The following FRA10AC1 variants were observed in gnomAD, a reference collection of about 807,000 sequenced individuals.
FRA10AC1 encodes protein FRA10AC1.
FRA10AC1 carries 43 observed loss-of-function variants against 56.5 expected under a neutral mutation model. That is an observed-to-expected ratio of 0.76 (90% CI 0.60 to 0.98). The LOEUF is 0.98. Ranked by LOEUF, FRA10AC1 falls within the 50% of genes least tolerant of loss-of-function variation. FRA10AC1 has a pLI of 0.00. For missense variants in FRA10AC1, 346 were observed against 351.8 expected (o/e 0.98, Z 0.13); for synonymous variants, 112 against 110.5 (o/e 1.01, Z -0.09).
chr10:93,700,219 G>T, intron 1 of FRA10AC1, 113 bp from the exon 2 acceptor site: 1 of 630,196 alleles, frequency 1.6e-6, no homozygotes, highest in Non-Finnish European at 2.7e-6. Flanking sequence ...AAGGATCATT[G>T]TGGGCAGATT....
chr10:93,693,555 T>C lies in FRA10AC1; in HGVS notation c.297-826A>G, dbSNP rs535133104. On this transcript the variant is annotated intron_variant, in intron 5 of 13. Transcript: ENST00000359204. The stretch of plus-strand genomic sequence containing the variant: ...CCATATATATATATATATACACACA[T>C]ACATACACCATATATATATACACAC... Among the ~76,000 whole-genome samples the C allele has an allele frequency of 2.6e-3, 328 of 127,686 alleles. 8 individuals carry two copies. The highest frequency in any genetic ancestry group is 9.8e-3 in the African/African-American group (294 of 29,888). The allele number at this position is 127,686 out of a possible 152,430, so 83.8% of individuals were successfully genotyped here. A position where few individuals can be genotyped will look rare whatever the true frequency, so the allele number is the denominator to read the frequency against.
At chr10:93,681,730 C>CTTT in intron 10 of FRA10AC1, 132 bp from the exon 11 acceptor site, 1 of 753,974 alleles carries the variant, frequency 1.3e-6, no homozygotes, top group Non-Finnish European at 1.9e-6. Context: ...TAATAAGGAA[C>CTTT]GTTAAGTGAG....
At chr10:93,691,924 GAAT>G in intron 7 of FRA10AC1, 82 bp downstream of exon 7, 1 of 1,365,790 alleles carries the variant, frequency 7.3e-7, no homozygotes, top group Non-Finnish European at 9.8e-7. Flanking sequence ...ATCTTTAAAA[GAAT>G]AATGTGGGGC....
intron 8 of FRA10AC1, among the ~76,000 whole-genome samples, chr10:93,686,766 T>C (rs536162992): frequency 1.9e-4 from 29 of 151,978 alleles, no homozygotes; most frequent in African/African-American, 6.7e-4. Flanking sequence ...TTCAGTACTT[T>C]AACACTTAAA....
At chr10:93,685,587 G>A (rs1312850713) in intron 8 of FRA10AC1, 2 of 290,570 alleles carry the variant, frequency 6.9e-6, no homozygotes, top group Non-Finnish European at 1.3e-5. Context: ...ACTGTATTTA[G>A]ATAGACATTT....
At chr10:93,689,877 A>G (rs1448420679) in intron 7 of FRA10AC1, among the ~76,000 whole-genome samples, 1 of 152,124 alleles carries the variant, frequency 6.6e-6, no homozygotes. Context: ...ATGACCATCG[A>G]CTTGAACTTT....
intron 11 of FRA10AC1, among the ~76,000 whole-genome samples, chr10:93,677,621 A>G (rs146306464): frequency 1.3e-5 from 2 of 152,340 alleles, no homozygotes; most frequent in East Asian, 1.9e-4. Flanking sequence ...GCTAGCAAAT[A>G]CAACTACCTG....
chr10:93,702,232 G>C (rs1190920520), intron 1 of FRA10AC1, 143 bp downstream of exon 1: 1 of 149,962 alleles, frequency 6.7e-6, no homozygotes. Flanking sequence ...GAGATGCCAG[G>C]TGTCTCCAGA....
intron 4 of FRA10AC1, 92 bp downstream of exon 4, chr10:93,698,044 G>A (rs1304894476): frequency 4.4e-6 from 3 of 683,380 alleles, no homozygotes; most frequent in African/African-American, 1.9e-5. Flanking sequence ...AAATAAAAAA[G>A]CCTATTTGAC....
chr10:93,701,060 T>C (rs1198259287), intron 1 of FRA10AC1, among the ~76,000 whole-genome samples: 2 of 152,164 alleles, frequency 1.3e-5, no homozygotes, highest in Non-Finnish European at 2.9e-5. Context: ...GGTCTCAAAC[T>C]CCTGGGCTTG....
intron 11 of FRA10AC1, among the ~76,000 whole-genome samples, chr10:93,680,428 A>G (rs2058914419): frequency 6.6e-6 from 1 of 152,136 alleles, no homozygotes; most frequent in South Asian, 2.1e-4. Flanking sequence ...CCATCTATCA[A>G]TTTTACGAAG....
intron 10 of FRA10AC1, 54 bp downstream of exon 10, chr10:93,683,992 GTGCAGGTAAA>G: frequency 9.5e-7 from 1 of 1,057,872 alleles, no homozygotes; most frequent in Non-Finnish European, 1.4e-6. Context: ...TAGATACTTA[GTGCAGGTAAA>G]TGACTATATC....
In FRA10AC1 at chr10:93,670,781, ATC is replaced by A; in HGVS notation, c.892_893del (p.Asp298Ter). ...ATATCAGCACTTACTGTGATTTTTC[ATC>A]TGTCTCTGGTAGTGGACCCTTCCAA... Reference protein sequence around the residue: ...ELWKGPLPETDEKSQEEEFDE... With the variant: ...ELWKGPLPETXEKSQEEEFDE... On this transcript the variant is annotated frameshift_variant, in exon 13 of 14. Coordinates refer to ENST00000359204, the MANE Select transcript of FRA10AC1 (RefSeq NM_145246.5). LOFTEE classifies it high-confidence loss of function. 5 of 1,606,092 alleles carry A rather than the reference ATC, an allele frequency of 3.1e-6. No individual in the cohort carries two copies. Among genetic ancestry groups the A allele is most frequent in the Non-Finnish European group, 3.4e-6 (4 of 1,173,166 alleles).
intron 11 of FRA10AC1, 107 bp downstream of exon 11, chr10:93,681,373 A>G (rs866250883): frequency 2.7e-6 from 2 of 750,536 alleles, no homozygotes; most frequent in Non-Finnish European, 2.1e-6. Flanking sequence ...CTCAACTACC[A>G]TAAAATGAAA....
intron 5 of FRA10AC1, among the ~76,000 whole-genome samples, chr10:93,693,051 A>C (rs1281583775): frequency 6.6e-6 from 1 of 152,050 alleles, no homozygotes; most frequent in African/African-American, 2.4e-5. Context: ...AATGAAAATA[A>C]GTTTCATTCT....
chr10:93,678,577 T>C (rs1187466451), intron 11 of FRA10AC1, among the ~76,000 whole-genome samples: 1 of 152,116 alleles, frequency 6.6e-6, no homozygotes, highest in African/African-American at 2.4e-5. Flanking sequence ...ATGCTGGTAA[T>C]CCCAGCACTT....
chr10:93,698,348 T>C lies in FRA10AC1; in HGVS notation c.126A>G (p.Lys42=), dbSNP rs2059269496. The stretch of plus-strand genomic sequence containing the variant: ...CTTGTTTATGGGCCACCTTTCCATG[T>C]TTTTCTTTCTGAAATGGTTTTTGGA... ...LLLQKPFQKE[K]HGKVAHKQVA... Residue 42 remains lysine, a synonymous_variant, in exon 3 of 14, where the codon AAA becomes AAG. Transcript: ENST00000359204. 2 of 1,612,194 alleles carry C rather than the reference T, an allele frequency of 1.2e-6. No individual in the cohort carries two copies. The highest frequency in any genetic ancestry group is 4.5e-5 in the East Asian group (2 of 44,756).
At chr10:93,686,840 A>C (rs962932832) in intron 8 of FRA10AC1, among the ~76,000 whole-genome samples, 2 of 151,932 alleles carry the variant, frequency 1.3e-5, no homozygotes, top group East Asian at 3.9e-4. Context: ...CACAATTTCC[A>C]GGAAAAATTT....
In FRA10AC1 at chr10:93,670,280, G is replaced by A. The variant is rs370885170; in HGVS notation, c.906-412C>T. Among the ~76,000 whole-genome samples, 5 of 152,088 alleles carry A rather than the reference G, an allele frequency of 3.3e-5. No individual in the cohort carries two copies. In the East Asian group the frequency reaches 7.7e-4, roughly 23 times the overall value. On this transcript the variant is annotated intron_variant, in intron 13 of 13. Coordinates refer to ENST00000359204, the MANE Select transcript of FRA10AC1 (RefSeq NM_145246.5). ...AAATGTAAGCCTAAGTTATATTGGGGAATAACTAAGGGGAATTGGGTAAAT... is the reference window on the plus strand; with the variant it reads ...AAATGTAAGCCTAAGTTATATTGGGAAATAACTAAGGGGAATTGGGTAAAT...
Sources: allele counts gnomAD v4.1 joint callset (sites outside exome capture counted in the v4.1 genomes callset), GRCh38; gene constraint gnomAD v4.1.1; transcripts MANE v1.5; gene names NCBI Gene and HGNC (gene_info 2026-07-23, HGNC 2026-07-21).